The following SLC60A2 variants were observed in gnomAD, a reference collection of about 807,000 sequenced individuals.
SLC60A2 encodes the protein major facilitator superfamily domain containing 4B.
At chr6:111,269,089 C>T in the SLC60A2 span, 1 of 152,174 alleles carries the variant, frequency 6.6e-6, no homozygotes, top group African/African-American at 2.4e-5. Flanking sequence ...CACTGCCCGC[C>T]CATTCACCTT....
the SLC60A2 span, chr6:111,262,515 G>A: frequency 5.5e-6 from 7 of 1,268,712 alleles, no homozygotes; most frequent in African/African-American, 8.9e-5. Context: ...CATGCAGAAT[G>A]GTTGGCCACT....
At chr6:111,259,909 A>G in the SLC60A2 span, among the ~76,000 whole-genome samples, 1 of 122,442 alleles carries the variant, frequency 8.2e-6, no homozygotes, top group Non-Finnish European at 1.7e-5. Context: ...AGCTCCAGCA[A>G]GCTTTTTTTT....
the SLC60A2 span, among the ~76,000 whole-genome samples, chr6:111,274,676 A>C: frequency 6.6e-6 from 1 of 152,148 alleles, no homozygotes; most frequent in Non-Finnish European, 1.5e-5. Context: ...TTGTGTATCT[A>C]TAACACTAGT....
the SLC60A2 span, among the ~76,000 whole-genome samples, chr6:111,279,097 A>G: frequency 5.3e-5 from 8 of 152,040 alleles, no homozygotes; most frequent in Non-Finnish European, 8.8e-5. Context: ...CTCCTCCCCA[A>G]TCCCCCGTAA....
the SLC60A2 span, among the ~76,000 whole-genome samples, chr6:111,272,786 A>G: frequency 1.3e-5 from 2 of 150,268 alleles, no homozygotes; most frequent in African/African-American, 4.9e-5. Context: ...TTCTGGGATT[A>G]CAGGTGTGAG....
the SLC60A2 span, among the ~76,000 whole-genome samples, chr6:111,273,716 A>T: frequency 1.3e-5 from 2 of 151,686 alleles, no homozygotes; most frequent in African/African-American, 4.8e-5. Flanking sequence ...GTTGGAGTCT[A>T]TGTGCCCATT....
the SLC60A2 span, chr6:111,266,819 CAGAA>C: frequency 1.1e-5 from 17 of 1,613,740 alleles, no homozygotes; most frequent in Middle Eastern, 1.6e-4. Context: ...GAAAAGAAGA[CAGAA>C]AGAGTGAGGA....
At chr6:111,266,654 G>A in the SLC60A2 span, 12 of 1,614,060 alleles carry the variant, frequency 7.4e-6, no homozygotes, top group Non-Finnish European at 9.3e-6. Context: ...GTGCTTCCCT[G>A]GGAGAAATGG....
At chr6:111,265,243 T>C in the SLC60A2 span, 1 of 949,144 alleles carries the variant, frequency 1.1e-6, no homozygotes, top group African/African-American at 1.8e-5. Flanking sequence ...GGTAGAATTA[T>C]ATATTTATCT....
the SLC60A2 span, chr6:111,268,710 G>A: frequency 6.6e-6 from 1 of 152,176 alleles, no homozygotes; most frequent in African/African-American, 2.4e-5. Flanking sequence ...TCATATCGTA[G>A]TTACCGTAGG....
chr6:111,279,613 G>C, the SLC60A2 span, among the ~76,000 whole-genome samples: 1 of 152,136 alleles, frequency 6.6e-6, no homozygotes, highest in East Asian at 1.9e-4. Context: ...CTCCACTGCT[G>C]CTTGGTCCAG....
At chr6:111,271,114 G>A in the SLC60A2 span, 14,522 of 128,832 alleles carry the variant, frequency 0.11, 956 homozygotes, top group Middle Eastern at 0.24. Flanking sequence ...GGTGGCTCAC[G>A]CCAAGATGGC....
the SLC60A2 span, chr6:111,265,916 A>G: frequency 6.2e-7 from 1 of 1,613,574 alleles, no homozygotes; most frequent in Admixed American, 1.7e-5. Context: ...GGGACAAAGG[A>G]GCCCCACATA....
the SLC60A2 span, among the ~76,000 whole-genome samples, chr6:111,271,536 G>A: frequency 2.6e-5 from 4 of 151,820 alleles, no homozygotes; most frequent in Non-Finnish European, 4.4e-5. Context: ...TGACATTACA[G>A]TTGGTGAACT....
chr6:111,279,380 C>G, the SLC60A2 span, among the ~76,000 whole-genome samples: 1 of 151,836 alleles, frequency 6.6e-6, no homozygotes, highest in South Asian at 2.1e-4. Context: ...TCCTGAGTAG[C>G]TGGGACTACA....
chr6:111,265,806 AGT>A, the SLC60A2 span: 6 of 1,335,672 alleles, frequency 4.5e-6, no homozygotes, highest in Non-Finnish European at 6.2e-6. Flanking sequence ...CTTTCTGATA[AGT>A]GAACTTTTTT....
the SLC60A2 span, among the ~76,000 whole-genome samples, chr6:111,262,863 T>A: frequency 6.6e-6 from 1 of 152,138 alleles, no homozygotes; most frequent in African/African-American, 2.4e-5. Context: ...GCTATGTTTT[T>A]GTTCCTGCTG....
At chr6:111,274,183 G>T in the SLC60A2 span, among the ~76,000 whole-genome samples, 2 of 152,102 alleles carry the variant, frequency 1.3e-5, no homozygotes, top group African/African-American at 2.4e-5. Flanking sequence ...TTATTTTGGT[G>T]CTCTGGTGTT....
chr6:111,262,206 G>A, the SLC60A2 span: 1 of 1,475,016 alleles, frequency 6.8e-7, no homozygotes, highest in Non-Finnish European at 9.4e-7. Flanking sequence ...CACATAGTTA[G>A]ACATTATTTT....
Sources: gnomAD v4.1 joint callset for allele counts (sites outside exome capture counted in the v4.1 genomes callset) on GRCh38, gnomAD v4.1.1 for gene constraint, MANE v1.5 for transcripts, NCBI Gene and HGNC (gene_info 2026-07-23, HGNC 2026-07-21) for gene names.